CTNNA3: variants seen among roughly 807,000 people sequenced by gnomAD.
CTNNA3 encodes catenin alpha-3.
Under a neutral mutation model 95.7 loss-of-function variants are expected in CTNNA3, and 76 were observed. The ratio of observed to expected loss-of-function variants is 0.79; its 90% CI spans 0.66 to 0.96. CTNNA3 has a LOEUF of 0.96. CTNNA3 is among the 40% of genes least tolerant of loss of function. The pLI, the probability that CTNNA3 is intolerant of heterozygous loss-of-function variation, is 0.00. For missense variants in CTNNA3, 1,191 were observed against 1,089.8 expected, an observed-to-expected ratio of 1.09 and a Z score of -1.31; for synonymous variants, 431 against 374.4, an observed-to-expected ratio of 1.15 and a Z score of -1.74.
intron 12 of CTNNA3, among the ~76,000 whole-genome samples, chr10:66,373,649 G>A (rs60514991): frequency 0.046 from 7,019 of 152,014 alleles, 339 homozygotes; most frequent in East Asian, 0.23. Flanking sequence ...AGGCAGAAAG[G>A]ATATAATTTG....
At chr10:66,597,507 C>CATATAT (rs1364695697) in intron 10 of CTNNA3, among the ~76,000 whole-genome samples, 19 of 79,610 alleles carry the variant, frequency 2.4e-4, no homozygotes, top group African/African-American at 3.4e-4. Context: ...CATTTTATTT[C>CATATAT]ATACATATAT....
intron 7 of CTNNA3, among the ~76,000 whole-genome samples, chr10:66,793,130 AG>A: frequency 6.6e-6 from 1 of 151,804 alleles, no homozygotes; most frequent in East Asian, 1.9e-4. Flanking sequence ...TGGGGGGAGT[AG>A]GTTTTTGTTT....
chr10:65,950,541 A>T (rs1174438840), intron 17 of CTNNA3, among the ~76,000 whole-genome samples: 1 of 151,960 alleles, frequency 6.6e-6, no homozygotes, highest in Non-Finnish European at 1.5e-5. Flanking sequence ...GCACATTCCT[A>T]TAGTTGTCAA....
At chr10:66,636,725 A>C (rs1589050154) in intron 9 of CTNNA3, among the ~76,000 whole-genome samples, 1 of 152,292 alleles carries the variant, frequency 6.6e-6, no homozygotes, top group East Asian at 1.9e-4. Context: ...AGAGGCCTAA[A>C]GACAACAACA....
intron 5 of CTNNA3, among the ~76,000 whole-genome samples, chr10:67,341,077 G>A (rs1383482881): frequency 1.3e-5 from 2 of 152,040 alleles, no homozygotes; most frequent in African/African-American, 4.8e-5. Context: ...GTACATAGTA[G>A]GTATAAATAT....
intron 5 of CTNNA3, among the ~76,000 whole-genome samples, chr10:67,309,116 G>A (rs1840677459): frequency 6.6e-6 from 1 of 151,900 alleles, no homozygotes; most frequent in African/African-American, 2.4e-5. Flanking sequence ...TTCAACCTTT[G>A]CTTCTTATTG....
At chr10:66,569,908 A>G (rs1842817351) in intron 10 of CTNNA3, among the ~76,000 whole-genome samples, 1 of 152,180 alleles carries the variant, frequency 6.6e-6, no homozygotes, top group Non-Finnish European at 1.5e-5. Context: ...AAAATAATAT[A>G]GGTAGATATT....
intron 14 of CTNNA3, among the ~76,000 whole-genome samples, chr10:66,095,007 T>G (rs1297312033): frequency 6.6e-6 from 1 of 152,086 alleles, no homozygotes; most frequent in Non-Finnish European, 1.5e-5. Context: ...AGTAGATTAG[T>G]GGATTAAGGT....
At chr10:66,006,171 C>A (rs1401179650) in intron 15 of CTNNA3, among the ~76,000 whole-genome samples, 1 of 151,730 alleles carries the variant, frequency 6.6e-6, no homozygotes, top group Admixed American at 6.6e-5. Flanking sequence ...CACCACCGTG[C>A]CCGGCTAATT....
At chr10:67,059,079 G>A (rs1855607715) in intron 7 of CTNNA3, among the ~76,000 whole-genome samples, 1 of 152,144 alleles carries the variant, frequency 6.6e-6, no homozygotes. Context: ...ACACACAAAT[G>A]AGTCCACTTA....
chr10:67,272,716 A>G (rs1839034084), intron 5 of CTNNA3, among the ~76,000 whole-genome samples: 1 of 152,180 alleles, frequency 6.6e-6, no homozygotes, highest in East Asian at 1.9e-4. Context: ...ATAATTTGCA[A>G]TGCACTAAAG....
intron 9 of CTNNA3, among the ~76,000 whole-genome samples, chr10:66,697,726 T>A (rs942343105): frequency 2.0e-5 from 3 of 152,146 alleles, no homozygotes; most frequent in Non-Finnish European, 2.9e-5. Context: ...TCCCAGTACA[T>A]GAAAAAACAT....
intron 7 of CTNNA3, among the ~76,000 whole-genome samples, chr10:66,854,691 C>T (rs1165328154): frequency 6.6e-6 from 1 of 150,540 alleles, no homozygotes; most frequent in Non-Finnish European, 1.5e-5. Context: ...GACAGGTATG[C>T]AAATGACAGG....
At chr10:66,508,401 A>C (rs1840540697) in intron 11 of CTNNA3, among the ~76,000 whole-genome samples, 1 of 151,892 alleles carries the variant, frequency 6.6e-6, no homozygotes. Context: ...TAGTTTGCTG[A>C]AAACTCCTGA....
intron 7 of CTNNA3, among the ~76,000 whole-genome samples, chr10:67,123,492 T>C (rs936488472): frequency 6.6e-6 from 1 of 152,174 alleles, no homozygotes; most frequent in African/African-American, 2.4e-5. Context: ...TATTTTGTCT[T>C]ATAACAAAAA....
At chr10:67,040,607 T>TA (rs1212584615) in intron 7 of CTNNA3, among the ~76,000 whole-genome samples, 2 of 152,044 alleles carry the variant, frequency 1.3e-5, no homozygotes, top group Admixed American at 6.6e-5. Context: ...TTAGAGAAAA[T>TA]ATGTGTCTAT....
chr10:66,123,953 C>T (rs1011324646), intron 13 of CTNNA3, among the ~76,000 whole-genome samples: 3 of 152,000 alleles, frequency 2.0e-5, no homozygotes, highest in African/African-American at 7.3e-5. Flanking sequence ...AAGGGGCTCC[C>T]ATGAAGACCT....
chr10:67,439,808 C>T (rs905692047), intron 5 of CTNNA3, among the ~76,000 whole-genome samples: 2 of 152,036 alleles, frequency 1.3e-5, no homozygotes, highest in East Asian at 1.9e-4. Flanking sequence ...AGGAGCCCTT[C>T]GGCCCCGAAC....
intron 7 of CTNNA3, among the ~76,000 whole-genome samples, chr10:66,938,437 GA>G (rs1290659724): frequency 6.6e-6 from 1 of 151,950 alleles, no homozygotes; most frequent in Non-Finnish European, 1.5e-5. Flanking sequence ...AAGTAAGCTA[GA>G]AAAATGAAAA....
Sources: gnomAD v4.1 joint callset for allele counts (sites outside exome capture counted in the v4.1 genomes callset) on GRCh38, gnomAD v4.1.1 for gene constraint, MANE v1.5 for transcripts, NCBI Gene and HGNC (gene_info 2026-07-23, HGNC 2026-07-21) for gene names.